PAK5: variants seen among roughly 807,000 people sequenced by gnomAD.
PAK5 encodes p21 (RAC1) activated kinase 5, also known as serine/threonine-protein kinase PAK 5.
Under a neutral mutation model 65.9 loss-of-function variants are expected in PAK5, and 16 were observed. The ratio of observed to expected loss-of-function variants is 0.24; its 90% CI spans 0.16 to 0.37. The LOEUF (loss-of-function observed/expected upper bound fraction) is 0.37. Among genes scored for constraint, PAK5 ranks in the 10% least tolerant of loss-of-function variants. The pLI is 1.00. For missense variants in PAK5, 785 were observed against 903.9 expected (o/e 0.87, Z 1.69); for synonymous variants, 371 against 354.9 (o/e 1.05, Z -0.51).
chr20:9,571,866 A>C (rs2045787830), intron 4 of PAK5, among the ~76,000 whole-genome samples: 2 of 80,518 alleles, frequency 2.5e-5, no homozygotes, highest in African/African-American at 6.4e-5. Context: ...AGAGATAGGC[A>C]TGAATGATGG....
intron 1 of PAK5, among the ~76,000 whole-genome samples, chr20:9,736,193 G>T (rs2423450): frequency 1.3e-5 from 2 of 151,686 alleles, no homozygotes; most frequent in African/African-American, 2.4e-5. Context: ...GAGCAACTGC[G>T]CCAGGCCAAT....
intron 3 of PAK5, among the ~76,000 whole-genome samples, chr20:9,642,046 C>T (rs1030297072): frequency 1.5e-4 from 23 of 152,098 alleles, no homozygotes; most frequent in African/African-American, 4.3e-4. Flanking sequence ...CACAGTGCAG[C>T]GGGGGGGCTG....
rs1367527208 is a variant in PAK5, at chr20:9,566,025, G to A, written c.1350C>T (p.Ala450=). Reference sequence around the variant, plus strand: ...AGCCTTCCCCGATTTTGATAAAGTTGGCCAAGTATTCCCTGGGGTCTCCTG... The same window carrying A: ...AGCCTTCCCCGATTTTGATAAAGTTAGCCAAGTATTCCCTGGGGTCTCCTG... ...VSPGDPREYL[A]NFIKIGEGST... is the part of the protein sequence containing the mutation. The change falls in exon 5 of 10, where the codon GCC becomes GCT. Residue 450 remains alanine (A), a synonymous_variant. Coordinates refer to ENST00000353224, the MANE Select transcript of PAK5 (RefSeq NM_177990.4). The A allele has an allele frequency of 6.2e-7, 1 of 1,613,788 alleles. No individual in the cohort carries two copies. The highest frequency in any genetic ancestry group is 8.5e-7 in the Non-Finnish European group (1 of 1,179,948).
At chr20:9,782,726 C>T (rs1354574875) in intron 1 of PAK5, among the ~76,000 whole-genome samples, 1 of 152,098 alleles carries the variant, frequency 6.6e-6, no homozygotes, top group East Asian at 1.9e-4. Flanking sequence ...AAGAAAACAG[C>T]TCCTGCTCTT....
At chr20:9,644,022 A>G in intron 3 of PAK5, 103 bp downstream of exon 3, 1 of 791,576 alleles carries the variant, frequency 1.3e-6, no homozygotes, top group Non-Finnish European at 2.2e-6. Context: ...ATGTTAAAAA[A>G]TATGTGGTTT....
At chr20:9,559,387 A>G (rs2045559697) in intron 6 of PAK5, among the ~76,000 whole-genome samples, 1 of 152,204 alleles carries the variant, frequency 6.6e-6, no homozygotes, top group Admixed American at 6.5e-5. Context: ...ATTTCAGTTT[A>G]GTTGATGCTA....
chr20:9,703,121 C>G (rs1424455828), intron 2 of PAK5, among the ~76,000 whole-genome samples: 1 of 152,116 alleles, frequency 6.6e-6, no homozygotes, highest in East Asian at 1.9e-4. Flanking sequence ...TTGAGACTGT[C>G]AAAGAACTTG....
chr20:9,820,832 G>A (rs1409627916), intron 1 of PAK5, among the ~76,000 whole-genome samples: 1 of 148,814 alleles, frequency 6.7e-6, no homozygotes, highest in Non-Finnish European at 1.5e-5. Context: ...GCCCTGAAAT[G>A]AGAACCAGGG....
At chr20:9,709,733 G>A (rs948972128) in intron 2 of PAK5, among the ~76,000 whole-genome samples, 2 of 152,170 alleles carry the variant, frequency 1.3e-5, no homozygotes, top group Non-Finnish European at 2.9e-5. Context: ...TGGAAAGCAA[G>A]CTGCACTTTG....
rs79709462 is a variant in PAK5, at chr20:9,674,306, T to C, written c.-11-29967A>G. 1.1e-3 allele frequency among the ~76,000 whole-genome samples: 162 copies of C among 152,212 alleles called. 1 individual carries two copies. Among genetic ancestry groups the C allele is most frequent in the African/African-American group, 3.7e-3 (155 of 41,538 alleles). Reference sequence around the variant, plus strand: ...CCAAGAGAGTCTCTGATTACTAAGATACATAGATTCAACAGGCATATGTGG... The same window carrying C: ...CCAAGAGAGTCTCTGATTACTAAGACACATAGATTCAACAGGCATATGTGG... On this transcript the variant is annotated intron_variant, in intron 2 of 9. Transcript: ENST00000353224.
chr20:9,572,907 A>G (rs1344888044), intron 4 of PAK5, among the ~76,000 whole-genome samples: 1 of 152,226 alleles, frequency 6.6e-6, no homozygotes, highest in Admixed American at 6.5e-5. Flanking sequence ...TCCATATGGC[A>G]TGATGTCATG....
At chr20:9,807,981 T>G (rs1427516405) in intron 1 of PAK5, among the ~76,000 whole-genome samples, 1 of 152,028 alleles carries the variant, frequency 6.6e-6, no homozygotes, top group East Asian at 1.9e-4. Flanking sequence ...AAGATTTTAT[T>G]GTGGATTTTG....
intron 1 of PAK5, among the ~76,000 whole-genome samples, chr20:9,768,155 C>CT (rs1343939352): frequency 6.6e-6 from 1 of 151,916 alleles, no homozygotes; most frequent in African/African-American, 2.4e-5. Flanking sequence ...ATCTTTAATT[C>CT]TTTTTTTCTT....
At chr20:9,783,851 C>T (rs529160898) in intron 1 of PAK5, among the ~76,000 whole-genome samples, 10 of 152,214 alleles carry the variant, frequency 6.6e-5, no homozygotes, top group African/African-American at 2.4e-4. Flanking sequence ...CTTACCTCCC[C>T]ATTTAATAGA....
At chr20:9,759,721 CA>C (rs2048676802) in intron 1 of PAK5, among the ~76,000 whole-genome samples, 1 of 152,086 alleles carries the variant, frequency 6.6e-6, no homozygotes, top group African/African-American at 2.4e-5. Flanking sequence ...TTGAAACCCA[CA>C]ACGTTTACCC....
In PAK5 at chr20:9,776,280, A is replaced by G. The variant is rs576653900; in HGVS notation, c.-162+62482T>C. Among the ~76,000 whole-genome samples, 4 of 152,312 alleles carry G rather than the reference A, an allele frequency of 2.6e-5. No individual in the cohort carries two copies. The South Asian group carries it at 8.3e-4, about 32-fold the overall frequency. On this transcript the variant is annotated intron_variant, in intron 1 of 9. Transcript: ENST00000353224. The stretch of plus-strand genomic sequence containing the variant: ...AGGTCTAGATAACTCCATAGTCTAT[A>G]TCTTTGCTGCCCAAGAGTAAGAGAC...
intron 2 of PAK5, among the ~76,000 whole-genome samples, chr20:9,700,116 T>A (rs1317752830): frequency 1.3e-5 from 2 of 152,138 alleles, no homozygotes; most frequent in Non-Finnish European, 2.9e-5. Context: ...GTTGTGTGTA[T>A]CAACAGCATG....
chr20:9,608,229 T>C (rs1457224483), intron 3 of PAK5, among the ~76,000 whole-genome samples: 1 of 152,216 alleles, frequency 6.6e-6, no homozygotes, highest in Admixed American at 6.5e-5. Context: ...GGGATACAAG[T>C]ATTCATTCTA....
At chr20:9,569,113 T>C (rs1282792033) in intron 4 of PAK5, among the ~76,000 whole-genome samples, 1 of 152,250 alleles carries the variant, frequency 6.6e-6, no homozygotes, top group Non-Finnish European at 1.5e-5. Flanking sequence ...TAAATGTTTG[T>C]TATTTAAAGT....
Sources: allele counts gnomAD v4.1 joint callset (sites outside exome capture counted in the v4.1 genomes callset), GRCh38; gene constraint gnomAD v4.1.1; transcripts MANE v1.5; gene names NCBI Gene and HGNC (gene_info 2026-07-23, HGNC 2026-07-21).